Variants in GRIK2 observed in about 807,000 individuals in gnomAD.
GRIK2 encodes the protein glutamate ionotropic receptor kainate type subunit 2.
Under a neutral mutation model 100.3 loss-of-function variants are expected in GRIK2, and 32 were observed. That is an observed-to-expected ratio of 0.32 (90% CI 0.24 to 0.43). The LOEUF (loss-of-function observed/expected upper bound fraction) is 0.43, where lower values mean the gene tolerates loss of function less well. GRIK2 is among the 20% of genes least tolerant of loss of function. GRIK2 has a pLI of 1.00. For synonymous variants in GRIK2, 417 were observed against 389.4 expected (o/e 1.07, Z -0.83); for missense variants, 843 against 1,114.9 (o/e 0.76, Z 3.47).
At chr6:101,892,386 A>G (rs752141989) in intron 12 of GRIK2, among the ~76,000 whole-genome samples, 1 of 152,178 alleles carries the variant, frequency 6.6e-6, no homozygotes, top group Non-Finnish European at 1.5e-5. Context: ...CTAACTTTTC[A>G]AAATATTTCT....
At chr6:101,747,590 A>C (rs975242731) in intron 7 of GRIK2, among the ~76,000 whole-genome samples, 1 of 152,184 alleles carries the variant, frequency 6.6e-6, no homozygotes, top group African/African-American at 2.4e-5. Flanking sequence ...TATCTGTAAT[A>C]AAATTAAGAT....
At chr6:102,047,997 C>A (rs986663333) in intron 15 of GRIK2, among the ~76,000 whole-genome samples, 1 of 151,032 alleles carries the variant, frequency 6.6e-6, no homozygotes, top group Non-Finnish European at 1.5e-5. Context: ...CATGGTACTG[C>A]CCCCCTCCCA....
intron 11 of GRIK2, among the ~76,000 whole-genome samples, chr6:101,881,806 T>TTGAGCC (rs763600358): frequency 2.0e-5 from 3 of 151,974 alleles, no homozygotes; most frequent in Non-Finnish European, 4.4e-5. Flanking sequence ...TGAGCTATGA[T>TTGAGCC]TGAGCCACTG....
chr6:101,986,041 A>G (rs1793998090), intron 14 of GRIK2, among the ~76,000 whole-genome samples: 1 of 151,818 alleles, frequency 6.6e-6, no homozygotes, highest in Admixed American at 6.6e-5. Flanking sequence ...TACTATGAGA[A>G]ACTGCATTTG....
chr6:101,791,843 A>G (rs1423360273), intron 7 of GRIK2, among the ~76,000 whole-genome samples: 2 of 151,414 alleles, frequency 1.3e-5, no homozygotes, highest in African/African-American at 4.9e-5. Flanking sequence ...TGGGAGTCTA[A>G]GTCTCTTTTT....
chr6:101,769,291 T>C (rs1202633391), intron 7 of GRIK2, among the ~76,000 whole-genome samples: 6 of 152,210 alleles, frequency 3.9e-5, no homozygotes, highest in Non-Finnish European at 7.3e-5. Context: ...GTAGTAATTT[T>C]TCTTTCAAAA....
chr6:101,817,319 C>T (rs911039117), intron 9 of GRIK2, among the ~76,000 whole-genome samples: 11 of 152,100 alleles, frequency 7.2e-5, no homozygotes, highest in Admixed American at 3.3e-4. Context: ...GTAAATAATA[C>T]CTGCTAAATC....
intron 2 of GRIK2, among the ~76,000 whole-genome samples, chr6:101,520,037 CAT>C (rs1774802174): frequency 6.6e-6 from 1 of 152,086 alleles, no homozygotes; most frequent in African/African-American, 2.4e-5. Flanking sequence ...GACTGGAAGA[CAT>C]AGATTGTCTC....
chr6:101,963,605 C>T (rs10872742), intron 14 of GRIK2, among the ~76,000 whole-genome samples: 19 of 148,180 alleles, frequency 1.3e-4, no homozygotes, highest in African/African-American at 4.7e-4. Flanking sequence ...ACCCGCCTCG[C>T]CCTCCCAAAG....
At chr6:101,797,365 G>A (rs1780371324) in intron 7 of GRIK2, among the ~76,000 whole-genome samples, 1 of 151,790 alleles carries the variant, frequency 6.6e-6, no homozygotes, top group African/African-American at 2.4e-5. Flanking sequence ...AAGCATTCCT[G>A]AACAGGGAGG....
intron 7 of GRIK2, among the ~76,000 whole-genome samples, chr6:101,767,663 A>G (rs756894691): frequency 3.3e-5 from 5 of 152,082 alleles, no homozygotes; most frequent in African/African-American, 1.2e-4. Context: ...GACTGGGTCT[A>G]TGTAGGCCCA....
chr6:101,852,160 G>A (rs766567457), intron 10 of GRIK2, among the ~76,000 whole-genome samples: 64 of 152,028 alleles, frequency 4.2e-4, no homozygotes, highest in African/African-American at 1.4e-3. Context: ...GCAAATTGTC[G>A]ATCTTTGTTC....
chr6:101,999,863 C>A (rs1195042742), intron 14 of GRIK2, among the ~76,000 whole-genome samples: 1 of 151,770 alleles, frequency 6.6e-6, no homozygotes, highest in Non-Finnish European at 1.5e-5. Flanking sequence ...CTGAAATATT[C>A]TTTTTTAGTG....
chr6:101,567,483 T>C (rs1777330059), intron 2 of GRIK2, among the ~76,000 whole-genome samples: 2 of 152,006 alleles, frequency 1.3e-5, no homozygotes, highest in South Asian at 2.1e-4. Flanking sequence ...TTATCTTTTA[T>C]TGCTTAGGTG....
chr6:101,451,699 G>GC (rs933558090), intron 2 of GRIK2, among the ~76,000 whole-genome samples: 3 of 59,800 alleles, frequency 5.0e-5, no homozygotes, highest in African/African-American at 1.6e-4. Flanking sequence ...TCTCTGAGGG[G>GC]GGGGGGGGTG....
chr6:101,840,876 A>G (rs1783452001), intron 10 of GRIK2, among the ~76,000 whole-genome samples: 1 of 152,246 alleles, frequency 6.6e-6, no homozygotes, highest in African/African-American at 2.4e-5. Flanking sequence ...CTACTTCATC[A>G]GAGGATTAAT....
intron 7 of GRIK2, among the ~76,000 whole-genome samples, chr6:101,736,881 G>T (rs1358350162): frequency 6.6e-6 from 1 of 151,926 alleles, no homozygotes. Context: ...AGACTTTTAT[G>T]CTCTGCTTCC....
At chr6:101,584,987 C>G (rs189321457) in intron 2 of GRIK2, among the ~76,000 whole-genome samples, 1 of 152,028 alleles carries the variant, frequency 6.6e-6, no homozygotes, top group East Asian at 1.9e-4. Context: ...AGTAAACCAG[C>G]ATTTCTCATT....
At chr6:101,864,143 CAAAA>C (rs138911944) in intron 11 of GRIK2, among the ~76,000 whole-genome samples, 2 of 85,844 alleles carry the variant, frequency 2.3e-5, no homozygotes, top group Admixed American at 1.3e-4. Context: ...GACTCCGTCT[CAAAA>C]AAAAAAAAAA....
Sources: allele counts gnomAD v4.1 joint callset (sites outside exome capture counted in the v4.1 genomes callset), GRCh38; gene constraint gnomAD v4.1.1; transcripts MANE v1.5; gene names NCBI Gene and HGNC (gene_info 2026-07-23, HGNC 2026-07-21).